The following PCDHGA6 variants were observed in gnomAD, a reference collection of about 807,000 sequenced individuals.
The protein encoded by PCDHGA6 is protocadherin gamma subfamily A, 6, also known as protocadherin gamma-A6.
In PCDHGA6, 41 loss-of-function variants were observed where a neutral mutation model predicts 60.6. That is an observed-to-expected ratio of 0.68 (90% CI 0.53 to 0.88). The LOEUF (loss-of-function observed/expected upper bound fraction) is 0.88. PCDHGA6 is among the 40% of genes least tolerant of loss of function. The probability of loss-of-function intolerance (pLI) is 0.00; values close to 1 mark genes in which losing one functional copy is unlikely to be tolerated. For synonymous variants in PCDHGA6, 594 were observed against 524.4 expected, an observed-to-expected ratio of 1.13 and a Z score of -1.81; for missense variants, 1,312 against 1,203.0, an observed-to-expected ratio of 1.09 and a Z score of -1.34.
At chr5:141,412,233 A>T (rs866840267) in intron 1 of PCDHGA6, 1 of 152,256 alleles carries the variant, frequency 6.6e-6, no homozygotes, top group Non-Finnish European at 1.5e-5. Context: ...TTAAAAACCT[A>T]TATCACTACA....
At position 141,431,389 on chromosome 5, in the gene PCDHGA6, G is replaced by A; in HGVS notation, c.2424+54882G>A. 2 of 1,613,876 alleles carry A rather than the reference G, an allele frequency of 1.2e-6. No individual in the cohort carries two copies. The highest frequency in any genetic ancestry group is 1.7e-6 in the Non-Finnish European group (2 of 1,180,040). ...GCGAAGAAAAGGCTGCTCACCACCT[G>A]GTCCTTACGGCCTCCGACGGGGGCG... On this transcript the variant is annotated intron_variant, in intron 1 of 3. Coordinates refer to ENST00000517434, the MANE Select transcript of PCDHGA6 (RefSeq NM_018919.3). This position sits in a 1 kb window ranked among gnomAD's most constrained non-coding sequence, Gnocchi z 4.8.
chr5:141,415,134 C>T (rs760482028), intron 1 of PCDHGA6: 10 of 1,613,552 alleles, frequency 6.2e-6, no homozygotes, highest in South Asian at 3.3e-5. Context: ...TCCAGGACCA[C>T]GGCCAGCCCC....
At position 141,382,776 on chromosome 5, in the gene PCDHGA6, A is replaced by T. The variant is rs572614689; in HGVS notation, c.2424+6269A>T. 1.1e-5 allele frequency: 9 copies of T among 809,964 alleles called. No homozygotes were observed. In the South Asian group the frequency reaches 1.8e-4, roughly 17 times the overall value. The allele number at this position is 809,964 out of a possible 1,614,324, so 50.2% of individuals were successfully genotyped here. A position where few individuals can be genotyped will look rare whatever the true frequency, so the allele number is the denominator to read the frequency against. On this transcript the variant is annotated intron_variant, in intron 1 of 3. Coordinates refer to ENST00000517434, the MANE Select transcript of PCDHGA6 (RefSeq NM_018919.3). Reference sequence around the variant, plus strand: ...TAAGCCCTCTTCCAGGCTGCACTAAACTCAAGCCTCTATCCTGCTGGATTC... The same window carrying T: ...TAAGCCCTCTTCCAGGCTGCACTAATCTCAAGCCTCTATCCTGCTGGATTC...
intron 1 of PCDHGA6, chr5:141,400,510 T>C: frequency 6.2e-7 from 1 of 1,613,972 alleles, no homozygotes; most frequent in Non-Finnish European, 8.5e-7. Context: ...CGAGTCGACT[T>C]CCCATCCTGA....
In PCDHGA6 at chr5:141,423,270, T is replaced by G. The variant is rs1304998648; in HGVS notation, c.2424+46763T>G. 3 of 1,613,686 alleles carry G rather than the reference T, an allele frequency of 1.9e-6. No homozygotes were observed. The African/African-American group carries it at 4.0e-5, about 22-fold the overall frequency. ...TGGCGGACCTCGGCAGCCTCGAGTC[T>G]CTGGCTAACTCTGAAACCTCAGACC... is the stretch of plus-strand genomic sequence containing the variant. On this transcript the variant is annotated intron_variant, in intron 1 of 3. Transcript: ENST00000517434.
At chr5:141,380,054 C>T (rs1441784259) in intron 1 of PCDHGA6, among the ~76,000 whole-genome samples, 1 of 151,916 alleles carries the variant, frequency 6.6e-6, no homozygotes, top group South Asian at 2.1e-4. Flanking sequence ...TGCATGCCAC[C>T]ATGCCTAGCT....
At position 141,489,425 on chromosome 5, in the gene PCDHGA6, G is replaced by C. The variant is rs779739693; in HGVS notation, c.2425-5382G>C. On this transcript the variant is annotated intron_variant, in intron 1 of 3. Transcript: ENST00000517434. This position sits in a 1 kb window ranked among gnomAD's most constrained non-coding sequence, Gnocchi z 4.5. ...TTAAAGATGACAGATCTGTTGAGCC[G>C]GCGGCTGCAATTGGGCTCTGAGGAG... The C allele has an allele frequency of 4.3e-6, 7 of 1,614,118 alleles. No individual in the cohort carries two copies. The highest frequency in any genetic ancestry group is 1.1e-5 in the South Asian group (1 of 91,070).
chr5:141,376,088 C>T lies in PCDHGA6; in HGVS notation c.2005C>T (p.Pro669Ser), dbSNP rs527893060. 5.1e-5 allele frequency: 83 copies of T among 1,613,666 alleles called. No homozygotes were observed. The highest frequency in any genetic ancestry group is 2.0e-4 in the East Asian group (9 of 44,878). The change falls in exon 1 of 4, where the codon CCC (proline) becomes TCC (serine). Residue 669 changes from proline to serine, a missense_variant. Pro to Ser is a moderately conservative substitution (Grantham distance 74). Coordinates refer to ENST00000517434, the MANE Select transcript of PCDHGA6 (RefSeq NM_018919.3). Reference sequence around the variant, plus strand: ...CACCGTGGCCGTGGCCGACAGGATCCCCGACATCCTGGCCGACCTGGGCAG... The same window carrying T: ...CACCGTGGCCGTGGCCGACAGGATCTCCGACATCCTGGCCGACCTGGGCAG... ...TLTVAVADRI[P>S]DILADLGSLE...
chr5:141,465,689 C>A (rs2099107540), intron 1 of PCDHGA6, among the ~76,000 whole-genome samples: 1 of 152,162 alleles, frequency 6.6e-6, no homozygotes, highest in African/African-American at 2.4e-5. Context: ...GACCAGTCTG[C>A]TTTTGCATTG....
chr5:141,409,541 G>C lies in PCDHGA6; in HGVS notation c.2424+33034G>C, dbSNP rs1485327824. ...CACCTTGTATGTCGCTGACATCAAC[G>C]ACAACGCCCCAGTTTTCGACCAGAC... On this transcript the variant is annotated intron_variant, in intron 1 of 3. Coordinates refer to ENST00000517434, the MANE Select transcript of PCDHGA6 (RefSeq NM_018919.3). 16 of 1,613,852 alleles carry C rather than the reference G, an allele frequency of 9.9e-6. No homozygotes were observed. Among genetic ancestry groups the C allele is most frequent in the Admixed American group, 1.7e-5 (1 of 60,016 alleles).
rs1414835001 is a variant in PCDHGA6 at position 141,476,225 on chromosome 5, A to T, written c.2425-18582A>T. 1.2e-6 allele frequency: 2 copies of T among 1,613,882 alleles called. No individual in the cohort carries two copies. Among genetic ancestry groups the T allele is most frequent in the Non-Finnish European group, 1.7e-6 (2 of 1,180,012 alleles). ...GGCTTCCACGGTCATTCACTATGAG[A>T]TCCCGGAGGAAAGAGAGAAGGGTTT... On this transcript the variant is annotated intron_variant, in intron 1 of 3. Transcript: ENST00000517434. This position sits in a 1 kb window ranked among gnomAD's most constrained non-coding sequence, Gnocchi z 7.6.
Position 141,376,323 on chromosome 5 carries a change from G to T in PCDHGA6, c.2240G>T (p.Arg747Leu). Residue 747 changes from arginine to leucine, a missense_variant, in exon 1 of 4, where the codon CGG becomes CTG. By Grantham distance (102) the Arg-to-Leu change is moderately radical (BLOSUM62 -2). Coordinates refer to ENST00000517434, the MANE Select transcript of PCDHGA6 (RefSeq NM_018919.3). The part of the protein sequence containing the change: ...GSHFVGVEGV[R>L]AFLQTYSHEV... Reference sequence around the variant, plus strand: ...CACTTTGTGGGCGTGGAAGGGGTTCGGGCTTTCCTGCAGACCTATTCCCAC... The same window carrying T: ...CACTTTGTGGGCGTGGAAGGGGTTCTGGCTTTCCTGCAGACCTATTCCCAC... 1 of 1,614,162 alleles carries T rather than the reference G, an allele frequency of 6.2e-7. No individual in the cohort carries two copies. The highest frequency in any genetic ancestry group is 1.1e-5 in the South Asian group (1 of 91,090).
chr5:141,509,292 T>A (rs1407798154), intron 3 of PCDHGA6, among the ~76,000 whole-genome samples: 1 of 152,028 alleles, frequency 6.6e-6, no homozygotes, highest in Non-Finnish European at 1.5e-5. Context: ...GGGTCCAGGG[T>A]GGAGGCAGAG....
chr5:141,466,769 T>C (rs760924688), intron 1 of PCDHGA6, among the ~76,000 whole-genome samples: 1 of 152,198 alleles, frequency 6.6e-6, no homozygotes, highest in African/African-American at 2.4e-5. Flanking sequence ...CAAACTGTTA[T>C]CTTATTCTTC....
intron 1 of PCDHGA6, among the ~76,000 whole-genome samples, chr5:141,475,518 T>C (rs963473660): frequency 1.3e-5 from 2 of 152,356 alleles, no homozygotes; most frequent in East Asian, 1.9e-4. Flanking sequence ...TCCACGGAAA[T>C]GCTAAATGCC....
rs779392461 is a variant in PCDHGA6, at chr5:141,428,623, TC to T, written c.2424+52117del. 3.1e-5 allele frequency: 6 copies of T among 193,516 alleles called. No individual in the cohort carries two copies. In the East Asian group the frequency reaches 5.4e-4, roughly 17 times the overall value. 12.0% of individuals were successfully genotyped at this position (193,516 alleles called of 1,614,324 possible). ...CACTGAAGAGAATAACAAGATAAGC[TC>T]TAACTCTGTTGCTCCTACTCACGTG... On this transcript the variant is annotated intron_variant, in intron 1 of 3. Coordinates refer to ENST00000517434, the MANE Select transcript of PCDHGA6 (RefSeq NM_018919.3).
intron 1 of PCDHGA6, among the ~76,000 whole-genome samples, chr5:141,470,845 G>T (rs1381257094): frequency 1.3e-5 from 2 of 151,972 alleles, no homozygotes; most frequent in African/African-American, 4.8e-5. Flanking sequence ...ACGCCACCAT[G>T]CTCAGATAAG....
intron 1 of PCDHGA6, among the ~76,000 whole-genome samples, chr5:141,481,223 A>C (rs935737972): frequency 3.3e-5 from 5 of 152,242 alleles, no homozygotes; most frequent in Non-Finnish European, 7.3e-5. Context: ...AAGGTCTCCC[A>C]GCCTTAAAGT....
chr5:141,511,374 CA>C lies in PCDHGA6; in HGVS notation c.*202del. ...CCCCAGGGGGTTGAATATGCAAAAG[CA>C]GTTCCGCTGGGAACCCCCATCCAAT... On this transcript the variant is annotated 3_prime_UTR_variant, in exon 4 of 4. Coordinates refer to ENST00000517434, the MANE Select transcript of PCDHGA6 (RefSeq NM_018919.3). The C allele has an allele frequency of 8.0e-7, 1 of 1,242,392 alleles. No individual in the cohort carries two copies. 77.0% of individuals were successfully genotyped at this position (1,242,392 alleles called of 1,614,324 possible).
Sources: gnomAD v4.1 joint callset for allele counts (sites outside exome capture counted in the v4.1 genomes callset) on GRCh38, gnomAD v4.1.1 for gene constraint, Gnocchi (gnomAD v3.1) non-coding constraint, MANE v1.5 for transcripts, NCBI Gene and HGNC (gene_info 2026-07-23, HGNC 2026-07-21) for gene names.